FSTL3: variants seen among roughly 807,000 people sequenced by gnomAD.
FSTL3 encodes the protein follistatin like 3, also known as follistatin-related protein 3.
Under a neutral mutation model 28.1 loss-of-function variants are expected in FSTL3, and 21 were observed. The observed-to-expected ratio is 0.75, with a 90% confidence interval of 0.53 to 1.08. The LOEUF (loss-of-function observed/expected upper bound fraction) is 1.08, where lower values mean the gene tolerates loss of function less well. Ranked by LOEUF, FSTL3 falls within the 50% of genes least tolerant of loss-of-function variation. The probability of loss-of-function intolerance (pLI) is 0.00; values close to 1 mark genes in which losing one functional copy is unlikely to be tolerated. For missense variants in FSTL3, 400 were observed against 380.9 expected, an observed-to-expected ratio of 1.05 and a Z score of -0.42; for synonymous variants, 199 against 164.2, an observed-to-expected ratio of 1.21 and a Z score of -1.62.
intron 1 of FSTL3, among the ~76,000 whole-genome samples, chr19:676,809 G>C (rs1191303726): frequency 1.3e-5 from 2 of 152,124 alleles, no homozygotes; most frequent in African/African-American, 4.8e-5. Flanking sequence ...CTTCATCTCC[G>C]TCTTCCAGAT....
At chr19:680,239 G>A in intron 2 of FSTL3, 35 bp from the exon 3 acceptor site, 2 of 1,304,218 alleles carry the variant, frequency 1.5e-6, no homozygotes, top group South Asian at 1.8e-5. Context: ...GGACCCTCCC[G>A]CGCCCGGCCC....
chr19:680,501 C>T lies in FSTL3; in HGVS notation c.505+12C>T. 4 of 1,120,946 alleles carry T rather than the reference C, an allele frequency of 3.6e-6. No homozygotes were observed. Among genetic ancestry groups the T allele is most frequent in the African/African-American group, 1.7e-5 (1 of 60,570 alleles). The allele number at this position is 1,120,946 out of a possible 1,614,324, so 69.4% of individuals were successfully genotyped here. A position where few individuals can be genotyped will look rare whatever the true frequency, so the allele number is the denominator to read the frequency against. On this transcript the variant is annotated intron_variant, in intron 3 of 4. Coordinates refer to ENST00000166139, the MANE Select transcript of FSTL3 (RefSeq NM_005860.3). ...GGGCCGCTGCCGCAGTACGTGGGGG[C>T]GTGGTCTGTGGAGGGGCGGGGCGGG...
At chr19:676,662 G>A in intron 1 of FSTL3, 136 bp downstream of exon 1, 1 of 296,468 alleles carries the variant, frequency 3.4e-6, no homozygotes, top group Non-Finnish European at 6.2e-6. Flanking sequence ...CTGGAGCCGG[G>A]AAGGTCTGAA....
rs1194793679 is a variant in FSTL3 at position 682,094 on chromosome 19, C to T, written c.*386C>T. 4 of 407,038 alleles carry T rather than the reference C, an allele frequency of 9.8e-6. No homozygotes were observed. The highest frequency in any genetic ancestry group is 1.8e-5 in the Non-Finnish European group (4 of 217,422). The allele number at this position is 407,038 out of a possible 1,614,324, so 25.2% of individuals were successfully genotyped here. ...GCTGGTAATTCCTGAAGAGGCATGA[C>T]TGCTTTTCTCAGCCCCAAGCCTCTA... is the stretch of plus-strand genomic sequence containing the variant. On this transcript the variant is annotated 3_prime_UTR_variant, in exon 5 of 5. Coordinates refer to ENST00000166139, the MANE Select transcript of FSTL3 (RefSeq NM_005860.3).
Position 682,026 on chromosome 19 carries a change from A to G in FSTL3, c.*318A>G, listed in dbSNP as rs1324502514. 6 of 488,250 alleles carry G rather than the reference A, an allele frequency of 1.2e-5. No homozygotes were observed. The highest frequency in any genetic ancestry group is 1.9e-5 in the African/African-American group (1 of 52,274). The allele number at this position is 488,250 out of a possible 1,614,324, so 30.2% of individuals were successfully genotyped here. A position where few individuals can be genotyped will look rare whatever the true frequency, so the allele number is the denominator to read the frequency against. ...CACACTTCCGCTCCTTTGGGGATAA[A>G]CCTATTAATTATTGCTACTATCAAG... On this transcript the variant is annotated 3_prime_UTR_variant, in exon 5 of 5. Transcript: ENST00000166139.
At chr19:678,398 G>T (rs1333268256) in intron 2 of FSTL3, among the ~76,000 whole-genome samples, 1 of 152,096 alleles carries the variant, frequency 6.6e-6, no homozygotes, top group Non-Finnish European at 1.5e-5. Flanking sequence ...TTTGCCTCGG[G>T]ACCCTGTTTT....
At chr19:677,368 G>C (rs114460678) in intron 1 of FSTL3, among the ~76,000 whole-genome samples, 2 of 151,874 alleles carry the variant, frequency 1.3e-5, no homozygotes, top group Non-Finnish European at 2.9e-5. Flanking sequence ...TGCCAGGCGC[G>C]GGGCTCCGCG....
intron 2 of FSTL3, among the ~76,000 whole-genome samples, chr19:679,340 G>A (rs925898394): frequency 2.6e-5 from 4 of 152,202 alleles, no homozygotes; most frequent in Admixed American, 2.0e-4. Context: ...CGTGGCGGGC[G>A]CTGGCCATCC....
At chr19:678,522 T>G (rs1381238810) in intron 2 of FSTL3, among the ~76,000 whole-genome samples, 32 of 134,966 alleles carry the variant, frequency 2.4e-4, no homozygotes, top group East Asian at 1.1e-3. Flanking sequence ...TTTTTTTTTT[T>G]TTTCCTGAGA....
chr19:680,240 C>A, intron 2 of FSTL3, 34 bp from the exon 3 acceptor site: 1 of 1,304,990 alleles, frequency 7.7e-7, no homozygotes, highest in Non-Finnish European at 9.8e-7. Context: ...GACCCTCCCG[C>A]GCCCGGCCCC....
chr19:677,489 G>T (rs1198775650), intron 1 of FSTL3, among the ~76,000 whole-genome samples: 1 of 149,946 alleles, frequency 6.7e-6, no homozygotes, highest in African/African-American at 2.5e-5. Flanking sequence ...TGTTTGAGGG[G>T]TTGGGCAGGG....
At position 680,304 on chromosome 19, in the gene FSTL3, G is replaced by A. The variant is rs1238641305; in HGVS notation, c.320G>A (p.Gly107Asp). The change falls in exon 3 of 5, where the codon GGC becomes GAC. Residue 107 changes from glycine to aspartate, a missense_variant. Physicochemically the swap from Gly to Asp is moderately conservative, Grantham distance 94. Transcript: ENST00000166139. ...TGCGACGGCGTGGAGTGCGGCCCGG[G>A]CAAGGCGTGCCGCATGCTGGGGGGC... Reference protein sequence around the residue: ...DSCDGVECGPGKACRMLGGRP... With the variant: ...DSCDGVECGPDKACRMLGGRP... The A allele has an allele frequency of 7.7e-7, 1 of 1,301,750 alleles. No homozygotes were observed. Among genetic ancestry groups the A allele is most frequent in the Non-Finnish European group, 9.7e-7 (1 of 1,029,178 alleles). The allele number at this position is 1,301,750 out of a possible 1,614,324, so 80.6% of individuals were successfully genotyped here.
chr19:681,030 G>A (rs1181124222), intron 3 of FSTL3, among the ~76,000 whole-genome samples: 2 of 150,714 alleles, frequency 1.3e-5, no homozygotes, highest in African/African-American at 2.4e-5. Context: ...GATGGGCGGG[G>A]ATTTGTGGGT....
chr19:680,419 G>GTGCGAGC lies in FSTL3; in HGVS notation c.440_446dup (p.Cys153ArgfsTer22). 1 of 1,269,782 alleles carries GTGCGAGC rather than the reference G, an allele frequency of 7.9e-7. No homozygotes were observed. The highest frequency in any genetic ancestry group is 9.9e-7 in the Non-Finnish European group (1 of 1,010,104). The allele number at this position is 1,269,782 out of a possible 1,614,324, so 78.7% of individuals were successfully genotyped here. ...CAGACGGCGCCACCTACCGCGACGA[G>GTGCGAGC]TGCGAGCTGCGCGCCGCGCGCTGCC... On this transcript the variant is annotated frameshift_variant, in exon 3 of 5. Transcript: ENST00000166139. LOFTEE classifies it high-confidence loss of function.
intron 2 of FSTL3, among the ~76,000 whole-genome samples, chr19:679,091 C>G (rs187715556): frequency 4.3e-4 from 66 of 152,232 alleles, no homozygotes; most frequent in African/African-American, 1.5e-3. Flanking sequence ...CATACCCCTG[C>G]TCCCTCCAGA....
chr19:680,515 G>A, intron 3 of FSTL3, 26 bp downstream of exon 3: 12 of 1,203,240 alleles, frequency 1.0e-5, no homozygotes, highest in Non-Finnish European at 1.1e-5. Flanking sequence ...GTCTGTGGAG[G>A]GGCGGGGCGG....
chr19:681,094 T>C (rs898080550), intron 3 of FSTL3, among the ~76,000 whole-genome samples: 1 of 145,912 alleles, frequency 6.9e-6, no homozygotes, highest in African/African-American at 2.5e-5. Context: ...TTGGGTAGCA[T>C]AAGGGGCAGG....
rs761195869 is a variant in FSTL3, at chr19:677,961, C to T, written c.273C>T (p.His91=). 6.2e-7 allele frequency: 1 copy of T among 1,613,122 alleles called. No homozygotes were observed. Among genetic ancestry groups the T allele is most frequent in the East Asian group, 2.2e-5 (1 of 44,896 alleles). ...INLLGFLGLV[H]CLPCKDSCDG... Reference sequence around the variant, plus strand: ...TCCTCGGCTTCTTGGGCCTTGTCCACTGCCTTCCCTGCAAAGGTGAGACCT... The same window carrying T: ...TCCTCGGCTTCTTGGGCCTTGTCCATTGCCTTCCCTGCAAAGGTGAGACCT... Residue 91 remains histidine (H), a synonymous_variant, in exon 2 of 5, where the codon CAC becomes CAT. Coordinates refer to ENST00000166139, the MANE Select transcript of FSTL3 (RefSeq NM_005860.3).
At chr19:677,207 T>C (rs2031231347) in intron 1 of FSTL3, among the ~76,000 whole-genome samples, 1 of 151,846 alleles carries the variant, frequency 6.6e-6, no homozygotes, top group African/African-American at 2.4e-5. Flanking sequence ...CCACCCCCCA[T>C]CCCTGCAGCC....
Sources: allele counts gnomAD v4.1 joint callset (sites outside exome capture counted in the v4.1 genomes callset), GRCh38; gene constraint gnomAD v4.1.1; transcripts MANE v1.5; gene names NCBI Gene and HGNC (gene_info 2026-07-23, HGNC 2026-07-21).